The following C2orf81 variants were observed in gnomAD, a reference collection of about 807,000 sequenced individuals.
C2orf81 encodes uncharacterized protein C2orf81.
C2orf81 carries 5 observed loss-of-function variants against 7.9 expected under a neutral mutation model. The ratio of observed to expected loss-of-function variants is 0.63; its 90% CI spans 0.33 to 1.33. The LOEUF (loss-of-function observed/expected upper bound fraction) is 1.33, where lower values mean the gene tolerates loss of function less well. C2orf81 is among the 40% of genes most tolerant of loss of function. C2orf81 has a pLI of 0.05. For synonymous variants in C2orf81, 346 were observed against 367.4 expected (o/e 0.94, Z 0.66); for missense variants, 781 against 830.4 (o/e 0.94, Z 0.73).
intron 1 of C2orf81, chr2:74,417,391 A>G (rs1406040005): frequency 7.6e-7 from 1 of 1,308,928 alleles, no homozygotes; most frequent in Admixed American, 2.3e-5. Flanking sequence ...CCTGGACAAT[A>G]GGTGACTGCA....
Position 74,415,253 on chromosome 2 carries a change from A to G in C2orf81, c.924T>C (p.Pro308=), listed in dbSNP as rs367708251. The change falls in exon 3 of 3, where the codon CCT becomes CCC. Residue 308 remains proline, a synonymous_variant. Coordinates refer to ENST00000684111, the MANE Select transcript of C2orf81 (RefSeq NM_001316764.3). This position sits in a 1 kb window ranked among gnomAD's most constrained non-coding sequence, Gnocchi z 5.5. ...LSLEDLYCCM[P]QLDAAGDRLE... ...GCCGATCCCCAGCCGCGTCCAGTTG[A>G]GGCATGCAACAGTAGAGGTCTTCCA... 97 of 1,551,120 alleles carry G rather than the reference A, an allele frequency of 6.3e-5. No individual in the cohort carries two copies. The highest frequency in any genetic ancestry group is 5.8e-4 in the South Asian group (49 of 84,068).
chr2:74,417,069 T>C (rs1308387915), intron 1 of C2orf81, among the ~76,000 whole-genome samples: 1 of 152,040 alleles, frequency 6.6e-6, no homozygotes, highest in Non-Finnish European at 1.5e-5. Flanking sequence ...GGGGAGGGGA[T>C]CATGGGCAGA....
At position 74,415,958 on chromosome 2, in the gene C2orf81, C is replaced by T. The variant is rs1258665255; in HGVS notation, c.250-31G>A. 6.5e-7 allele frequency: 1 copy of T among 1,546,888 alleles called. No individual in the cohort carries two copies. The highest frequency in any genetic ancestry group is 1.2e-5 in the South Asian group (1 of 83,848). The stretch of plus-strand genomic sequence containing the variant: ...GAGGCGAGAGAGGATCTCAGGTCGG[C>T]AGGGAGGGGCGGGAGAGGGAGACGA... On this transcript the variant is annotated intron_variant, in intron 2 of 2. Transcript: ENST00000684111. This position sits in a 1 kb window ranked among gnomAD's most constrained non-coding sequence, Gnocchi z 5.5.
intron 1 of C2orf81, chr2:74,418,007 G>A: frequency 2.0e-6 from 1 of 495,476 alleles, no homozygotes; most frequent in Non-Finnish European, 3.8e-6. Flanking sequence ...GAAGGTGCAG[G>A]TGGAAGATGA....
intron 1 of C2orf81, chr2:74,418,029 G>C (rs1418960202): frequency 1.9e-6 from 1 of 515,986 alleles, no homozygotes; most frequent in East Asian, 4.3e-5. Context: ...GGTGGTGGCT[G>C]GAGGCGGTGG....
chr2:74,417,241 C>A, intron 1 of C2orf81: 1 of 476,744 alleles, frequency 2.1e-6, no homozygotes, highest in Non-Finnish European at 3.6e-6. Context: ...AGCAGGAGGG[C>A]TGGGAGTGGG....
At position 74,415,375 on chromosome 2, in the gene C2orf81, G is replaced by C. The variant is rs868117825; in HGVS notation, c.802C>G (p.Pro268Ala). The C allele has an allele frequency of 6.6e-7, 1 of 1,517,272 alleles. No individual in the cohort carries two copies. The highest frequency in any genetic ancestry group is 2.1e-5 in the Admixed American group (1 of 47,554). The allele number at this position is 1,517,272 out of a possible 1,614,324, so 94.0% of individuals were successfully genotyped here. ...AGAGAAGGGTCGGCATCGTCGGCAG[G>C]CGCCTCCTCCACCGACAGTTGGAAG... ...ASFQLSVEEAPADDADPSLDP... is the reference protein window; with the variant it reads ...ASFQLSVEEAAADDADPSLDP... Residue 268 changes from proline to alanine, a missense_variant, in exon 3 of 3, where the codon CCT (proline) becomes GCT (alanine). By Grantham distance (27) the Pro-to-Ala change is conservative. Coordinates refer to ENST00000684111, the MANE Select transcript of C2orf81 (RefSeq NM_001316764.3). This position sits in a 1 kb window ranked among gnomAD's most constrained non-coding sequence, Gnocchi z 5.5.
chr2:74,417,394 T>A (rs1676495643), intron 1 of C2orf81: 2 of 1,308,946 alleles, frequency 1.5e-6, no homozygotes, highest in African/African-American at 3.0e-5. Context: ...GGACAATAGG[T>A]GACTGCATCT....
chr2:74,417,585 A>C, intron 1 of C2orf81: 1 of 1,067,384 alleles, frequency 9.4e-7, no homozygotes, highest in Non-Finnish European at 1.2e-6. Flanking sequence ...ACGTGGTGAC[A>C]AAGACAGTTT....
intron 1 of C2orf81, chr2:74,416,563 C>T (rs1401350393): frequency 4.9e-5 from 3 of 61,196 alleles, no homozygotes; most frequent in African/African-American, 3.4e-4. Flanking sequence ...AAGACTGCGT[C>T]TCAAAAAAAA....
chr2:74,420,871 C>T (rs914793688), intron 1 of C2orf81, among the ~76,000 whole-genome samples: 6 of 150,666 alleles, frequency 4.0e-5, no homozygotes, highest in Admixed American at 1.3e-4. Flanking sequence ...ACCTCCGCCT[C>T]CCGAGTTCAA....
At position 74,415,938 on chromosome 2, in the gene C2orf81, G is replaced by A. The variant is rs1384534244; in HGVS notation, c.250-11C>T. The stretch of plus-strand genomic sequence containing the variant: ...GGTGAATGGAATGCACTGCGGAGGC[G>A]AGAGAGGATCTCAGGTCGGCAGGGA... On this transcript the variant is annotated splice_polypyrimidine_tract_variant and intron_variant, in intron 2 of 2. Transcript: ENST00000684111. The surrounding 1 kb of genome is among the most constrained non-coding windows in gnomAD (Gnocchi z 5.5). The A allele has an allele frequency of 8.4e-6, 13 of 1,546,724 alleles. No homozygotes were observed. The highest frequency in any genetic ancestry group is 1.7e-4 in the Middle Eastern group (1 of 6,002).
chr2:74,418,385 C>T (rs747998513), intron 1 of C2orf81: 23 of 1,592,862 alleles, frequency 1.4e-5, no homozygotes, highest in Non-Finnish European at 1.9e-5. Flanking sequence ...TTCTCAGTGC[C>T]GTCCTTTTTC....
rs1676458317 is a variant in C2orf81 at position 74,416,067 on chromosome 2, C to A, written c.193G>T (p.Ala65Ser). Residue 65 changes from alanine to serine, a missense_variant, in exon 2 of 3, where the codon GCC (alanine) becomes TCC (serine). Transcript: ENST00000684111. ...TCCATGACTCGAGCCAGCAAGTCGG[C>A]CAAGATGTCCCCTACGACGTCCTCG... ...EGEDVVGDIL[A>S]DLLARVMDSA... 1 of 1,548,972 alleles carries A rather than the reference C, an allele frequency of 6.5e-7. No homozygotes were observed. The highest frequency in any genetic ancestry group is 2.0e-5 in the Admixed American group (1 of 50,938).
At position 74,415,702 on chromosome 2, in the gene C2orf81, A is replaced by T. The variant is rs1181064428; in HGVS notation, c.475T>A (p.Ser159Thr). The change falls in exon 3 of 3, where the codon TCC (serine) becomes ACC (threonine). Residue 159 changes from serine to threonine, a missense_variant. Coordinates refer to ENST00000684111, the MANE Select transcript of C2orf81 (RefSeq NM_001316764.3). This position sits in a 1 kb window ranked among gnomAD's most constrained non-coding sequence, Gnocchi z 5.5. ...GAGGAGTCCGGAGAGGCTCCTGAGG[A>T]GTGTACTTCGCCTTGGAAGTTCTCC... The part of the protein sequence containing the change: ...GLENFQGEVH[S>T]SGASPDSSAI... The T allele has an allele frequency of 1.3e-6, 2 of 1,551,490 alleles. No homozygotes were observed.
At chr2:74,417,437 A>T in intron 1 of C2orf81, 1 of 1,310,936 alleles carries the variant, frequency 7.6e-7, no homozygotes, top group Non-Finnish European at 1.0e-6. Context: ...GATCCCAGGC[A>T]GACGGTAAGG....
intron 1 of C2orf81, chr2:74,418,560 GC>G: frequency 1.4e-6 from 1 of 727,144 alleles, no homozygotes; most frequent in Non-Finnish European, 2.4e-6. Context: ...CTGAGGACAG[GC>G]CAGTCTCCAC....
At chr2:74,416,364 G>A (rs986109519) in intron 1 of C2orf81, 123 bp from the exon 2 acceptor site, 10 of 526,166 alleles carry the variant, frequency 1.9e-5, no homozygotes, top group Non-Finnish European at 2.7e-5. Flanking sequence ...AATTGACGAA[G>A]AGCCTACTAT....
Position 74,415,646 on chromosome 2 carries a change from T to A in C2orf81, c.531A>T (p.Thr177=). The change falls in exon 3 of 3, where the codon ACA becomes ACT. Residue 177 remains threonine (T), a synonymous_variant. Coordinates refer to ENST00000684111, the MANE Select transcript of C2orf81 (RefSeq NM_001316764.3). This position sits in a 1 kb window ranked among gnomAD's most constrained non-coding sequence, Gnocchi z 5.5. ...GGGGAAATGCACTCGGGCAGTGAGA[T>A]GTCGGAAAGGGGAGAGCAGGAGCAA... ...SAIAPALPFP[T]SHCPSAFPQD... The A allele has an allele frequency of 1.3e-6, 2 of 1,551,108 alleles. No individual in the cohort carries two copies. Among genetic ancestry groups the A allele is most frequent in the Non-Finnish European group, 1.7e-6 (2 of 1,146,970 alleles).
Sources: gnomAD v4.1 joint callset for allele counts (sites outside exome capture counted in the v4.1 genomes callset) on GRCh38, gnomAD v4.1.1 for gene constraint, Gnocchi (gnomAD v3.1) non-coding constraint, MANE v1.5 for transcripts, NCBI Gene and HGNC (gene_info 2026-07-23, HGNC 2026-07-21) for gene names.